CENPW: variants seen among roughly 807,000 people sequenced by gnomAD.
CENPW encodes the protein centromere protein W, also known as cancer-up-regulated gene 2 protein.
A neutral mutation model predicts 11.1 loss-of-function variants in CENPW; 3 were observed. The ratio of observed to expected loss-of-function variants is 0.27; its 90% CI spans 0.12 to 0.70. CENPW has a LOEUF of 0.70. CENPW is among the 30% of genes least tolerant of loss of function. The pLI, the probability that CENPW is intolerant of heterozygous loss-of-function variation, is 0.77. For missense variants in CENPW, 100 were observed against 105.6 expected, an observed-to-expected ratio of 0.95 and a Z score of 0.23; for synonymous variants, 38 against 42.0, an observed-to-expected ratio of 0.91 and a Z score of 0.37.
chr6:126,427,172 C>T, the CENPW span, among the ~76,000 whole-genome samples: 1 of 152,058 alleles, frequency 6.6e-6, no homozygotes, highest in Non-Finnish European at 1.5e-5. Flanking sequence ...TATGCCTCAT[C>T]GATTAAACTG....
chr6:126,369,991 G>C, the CENPW span, among the ~76,000 whole-genome samples: 1 of 152,104 alleles, frequency 6.6e-6, no homozygotes, highest in African/African-American at 2.4e-5. Flanking sequence ...TCTACCTGTG[G>C]CTTGCCAATT....
the CENPW span, among the ~76,000 whole-genome samples, chr6:126,364,119 TTACTG>T: frequency 1.3e-5 from 2 of 152,258 alleles, no homozygotes; most frequent in African/African-American, 4.8e-5. Context: ...GGGTGGTAAT[TTACTG>T]TAAGCAATAC....
chr6:126,479,795 T>C, the CENPW span, among the ~76,000 whole-genome samples: 1 of 152,016 alleles, frequency 6.6e-6, no homozygotes. Context: ...TCTATCATTT[T>C]ATTTATAACC....
the CENPW span, among the ~76,000 whole-genome samples, chr6:126,396,838 GA>G: frequency 4.6e-5 from 7 of 152,012 alleles, no homozygotes; most frequent in African/African-American, 1.7e-4. Flanking sequence ...GGTATGTCTA[GA>G]AATGTTGTTT....
the CENPW span, among the ~76,000 whole-genome samples, chr6:126,413,569 A>T: frequency 6.6e-6 from 1 of 152,104 alleles, no homozygotes; most frequent in Non-Finnish European, 1.5e-5. Context: ...GACTGGCTTT[A>T]CAAGAAGTGT....
At chr6:126,352,646 A>G (rs1221299043), downstream of CENPW, among the ~76,000 whole-genome samples, 1 of 152,088 alleles carries the variant, frequency 6.6e-6, no homozygotes, top group Non-Finnish European at 1.5e-5. Context: ...ATCTTCCATC[A>G]TGATGCTTAC....
At chr6:126,450,159 A>G in the CENPW span, among the ~76,000 whole-genome samples, 2 of 151,156 alleles carry the variant, frequency 1.3e-5, no homozygotes, top group East Asian at 3.9e-4. Flanking sequence ...TTTGTTTTCT[A>G]ATAAAAAGTT....
At chr6:126,375,244 T>C in the CENPW span, among the ~76,000 whole-genome samples, 1 of 152,224 alleles carries the variant, frequency 6.6e-6, no homozygotes, top group Non-Finnish European at 1.5e-5. Context: ...TCAGCCTTGC[T>C]GTAGCATGCT....
At chr6:126,368,644 T>C in the CENPW span, among the ~76,000 whole-genome samples, 1 of 151,264 alleles carries the variant, frequency 6.6e-6, no homozygotes, top group African/African-American at 2.4e-5. Context: ...CCATACCCAA[T>C]GTGTAGTTTT....
the CENPW span, among the ~76,000 whole-genome samples, chr6:126,427,376 G>C: frequency 6.6e-6 from 1 of 152,166 alleles, no homozygotes; most frequent in South Asian, 2.1e-4. Flanking sequence ...TGTTATGAAA[G>C]TGGGAATTTG....
chr6:126,389,036 C>G, the CENPW span, among the ~76,000 whole-genome samples: 5 of 152,012 alleles, frequency 3.3e-5, no homozygotes, highest in East Asian at 9.6e-4. Context: ...CATTCTGTTT[C>G]CTAATTTTTC....
the CENPW span, among the ~76,000 whole-genome samples, chr6:126,469,611 G>A: frequency 6.6e-6 from 1 of 152,200 alleles, no homozygotes; most frequent in Non-Finnish European, 1.5e-5. Context: ...AAGAAGACAA[G>A]AAGATGTGGG....
Position 126,340,328 on chromosome 6 carries a change from C to T in CENPW, c.55C>T (p.Arg19Cys), listed in dbSNP as rs781048571. ...QRKQIKRKAP[R>C]GFLKRVFKRK... ...GAAGCAGATAAAGCGGAAGGCTCCC[C>T]GTGGCTTTCTAAAGCGAGTCTTCAA... The change falls in exon 1 of 3, where the codon CGT becomes TGT. Residue 19 changes from arginine (R) to cysteine (C), a missense_variant. Physicochemically the swap from Arg to Cys is radical, Grantham distance 180. Coordinates refer to ENST00000368328, the MANE Select transcript of CENPW (RefSeq NM_001012507.4). 13 of 1,614,080 alleles carry T rather than the reference C, an allele frequency of 8.1e-6. No homozygotes were observed. The highest frequency in any genetic ancestry group is 1.1e-5 in the Non-Finnish European group (13 of 1,180,020).
chr6:126,368,277 T>C, the CENPW span, among the ~76,000 whole-genome samples: 1 of 152,214 alleles, frequency 6.6e-6, no homozygotes, highest in Admixed American at 6.5e-5. Flanking sequence ...GACTTGTATG[T>C]GTCATAGACC....
At chr6:126,372,358 T>A in the CENPW span, among the ~76,000 whole-genome samples, 5 of 152,192 alleles carry the variant, frequency 3.3e-5, no homozygotes, top group Non-Finnish European at 5.9e-5. Context: ...AAATTTTGAT[T>A]TATATTCTAT....
At chr6:126,456,779 G>A in the CENPW span, among the ~76,000 whole-genome samples, 1 of 151,554 alleles carries the variant, frequency 6.6e-6, no homozygotes, top group Non-Finnish European at 1.5e-5. Flanking sequence ...TACAGAATGG[G>A]AGAAAATATG....
In CENPW at chr6:126,340,282, G is replaced by C. The variant is rs1211122364; in HGVS notation, c.9G>C (p.Leu3=). The C allele has an allele frequency of 6.2e-7, 1 of 1,613,608 alleles. No homozygotes were observed. Among genetic ancestry groups the C allele is most frequent in the South Asian group, 1.1e-5 (1 of 91,038 alleles). MA[L]STIVSQRKQI... is the part of the protein sequence containing the mutation. ...GGTACTTGACAGAGAGGATGGCGCT[G>C]TCGACCATAGTCTCCCAGAGGAAGC... Residue 3 remains leucine (L), a synonymous_variant, in exon 1 of 3, where the codon CTG becomes CTC. Coordinates refer to ENST00000368328, the MANE Select transcript of CENPW (RefSeq NM_001012507.4).
chr6:126,479,111 C>G, the CENPW span, among the ~76,000 whole-genome samples: 5 of 151,988 alleles, frequency 3.3e-5, no homozygotes, highest in African/African-American at 1.2e-4. Flanking sequence ...GGTTTTATCT[C>G]TTTCTTCTCT....
At chr6:126,406,366 T>TG in the CENPW span, among the ~76,000 whole-genome samples, 1 of 152,196 alleles carries the variant, frequency 6.6e-6, no homozygotes, top group Non-Finnish European at 1.5e-5. Context: ...TGAGATATTT[T>TG]GGATCTATGT....
Sources: allele counts gnomAD v4.1 joint callset (sites outside exome capture counted in the v4.1 genomes callset), GRCh38; gene constraint gnomAD v4.1.1; transcripts MANE v1.5; gene names NCBI Gene and HGNC (gene_info 2026-07-23, HGNC 2026-07-21).